ADAMTS12: variants seen among roughly 807,000 people sequenced by gnomAD.
ADAMTS12 encodes the protein A disintegrin and metalloproteinase with thrombospondin motifs 12.
ADAMTS12 carries 118 observed loss-of-function variants against 167.8 expected under a neutral mutation model. That is an observed-to-expected ratio of 0.70 (90% CI 0.61 to 0.82). The LOEUF (loss-of-function observed/expected upper bound fraction) is 0.82, where lower values mean the gene tolerates loss of function less well. Ranked by LOEUF, ADAMTS12 falls within the 40% of genes least tolerant of loss-of-function variation. ADAMTS12 has a pLI of 0.00. For synonymous variants in ADAMTS12, 704 were observed against 716.9 expected (o/e 0.98, Z 0.29); for missense variants, 1,916 against 1,998.8 (o/e 0.96, Z 0.79).
At chr5:33,535,063 T>G in intron 22 of ADAMTS12, 71 bp from the exon 23 acceptor site, 1 of 1,448,666 alleles carries the variant, frequency 6.9e-7, no homozygotes. Context: ...GTAGAACACC[T>G]CCAATCCCAC....
chr5:33,588,615 A>T lies in ADAMTS12; in HGVS notation c.2849T>A (p.Val950Glu). The change falls in exon 18 of 24, where the codon GTG becomes GAG. Residue 950 changes from valine (V) to glutamate (E), a missense_variant. By Grantham distance (121) the Val-to-Glu change is moderately radical (BLOSUM62 -2). Coordinates refer to ENST00000504830, the MANE Select transcript of ADAMTS12 (RefSeq NM_030955.4). ...TGAGCTCACCTCACTCCAGTTGCCC[A>T]CTGTCCAGTCCGAGGGGCACAGGAT... ...RDILCPSDWTVGNWSECSVSC... is the reference protein window; with the variant it reads ...RDILCPSDWTEGNWSECSVSC... 6.2e-7 allele frequency: 1 copy of T among 1,614,132 alleles called. No individual in the cohort carries two copies. The highest frequency in any genetic ancestry group is 8.5e-7 in the Non-Finnish European group (1 of 1,180,024).
At chr5:33,804,138 A>C (rs1161637117) in intron 2 of ADAMTS12, among the ~76,000 whole-genome samples, 1 of 152,240 alleles carries the variant, frequency 6.6e-6, no homozygotes, top group African/African-American at 2.4e-5. Context: ...AAGTCTTTGC[A>C]AACTAAAAAC....
At chr5:33,637,467 A>G in intron 12 of ADAMTS12, 110 bp downstream of exon 12, 2 of 1,153,224 alleles carry the variant, frequency 1.7e-6, no homozygotes, top group Non-Finnish European at 2.4e-6. Flanking sequence ...TTCCTGGTGT[A>G]CAATTGTCTT....
At chr5:33,687,160 T>C (rs1041035821) in intron 3 of ADAMTS12, among the ~76,000 whole-genome samples, 1 of 151,852 alleles carries the variant, frequency 6.6e-6, no homozygotes, top group Admixed American at 6.6e-5. Context: ...AGTTACTCAG[T>C]AGTAAACAGT....
chr5:33,741,909 C>T (rs13361930), intron 3 of ADAMTS12, among the ~76,000 whole-genome samples: 9,890 of 152,200 alleles, frequency 0.065, 1,088 homozygotes, highest in African/African-American at 0.23. Context: ...TACACCAAAC[C>T]CACTTTTGTG....
At chr5:33,868,251 G>T (rs937562575) in intron 2 of ADAMTS12, among the ~76,000 whole-genome samples, 1 of 152,216 alleles carries the variant, frequency 6.6e-6, no homozygotes, top group African/African-American at 2.4e-5. Flanking sequence ...ACCTGAAAAT[G>T]TGGAAGTGAC....
At chr5:33,630,164 TG>T (rs1320239227) in intron 13 of ADAMTS12, among the ~76,000 whole-genome samples, 1 of 152,172 alleles carries the variant, frequency 6.6e-6, no homozygotes, top group Non-Finnish European at 1.5e-5. Flanking sequence ...GATTTATGCC[TG>T]GGGGTTGGAT....
At chr5:33,564,670 T>C (rs1745924024) in intron 19 of ADAMTS12, among the ~76,000 whole-genome samples, 1 of 152,170 alleles carries the variant, frequency 6.6e-6, no homozygotes, top group Non-Finnish European at 1.5e-5. Flanking sequence ...TCTCATCTAT[T>C]GGGCACCATT....
intron 5 of ADAMTS12, among the ~76,000 whole-genome samples, chr5:33,670,069 C>A (rs754237604): frequency 6.6e-6 from 1 of 151,648 alleles, no homozygotes; most frequent in Non-Finnish European, 1.5e-5. Context: ...ATAAAAAGAG[C>A]TACAATGTGG....
intron 2 of ADAMTS12, among the ~76,000 whole-genome samples, chr5:33,829,910 T>C (rs1748229806): frequency 6.6e-6 from 1 of 152,188 alleles, no homozygotes; most frequent in South Asian, 2.1e-4. Flanking sequence ...TCAGCCTCAG[T>C]GACATTCAGA....
At chr5:33,564,403 G>A (rs778475212) in intron 19 of ADAMTS12, among the ~76,000 whole-genome samples, 2 of 152,190 alleles carry the variant, frequency 1.3e-5, no homozygotes, top group Admixed American at 1.3e-4. Context: ...GCTTGATTAT[G>A]TAAGCCTAGG....
chr5:33,804,986 GACAA>G (rs1470839308), intron 2 of ADAMTS12, among the ~76,000 whole-genome samples: 2 of 152,150 alleles, frequency 1.3e-5, no homozygotes, highest in Non-Finnish European at 2.9e-5. Flanking sequence ...TTGCACCCCT[GACAA>G]ACAAACAATG....
intron 3 of ADAMTS12, among the ~76,000 whole-genome samples, chr5:33,686,763 CTCTA>C (rs1379226634): frequency 6.6e-6 from 1 of 151,022 alleles, no homozygotes; most frequent in Non-Finnish European, 1.5e-5. Flanking sequence ...ACACCTCTCT[CTCTA>C]TATATATATA....
At chr5:33,831,776 G>A (rs945527542) in intron 2 of ADAMTS12, among the ~76,000 whole-genome samples, 2 of 152,098 alleles carry the variant, frequency 1.3e-5, no homozygotes, top group Non-Finnish European at 1.5e-5. Context: ...GCCTTCACAG[G>A]TAACAAAATA....
chr5:33,708,418 C>G (rs1381136806), intron 3 of ADAMTS12, among the ~76,000 whole-genome samples: 2 of 152,102 alleles, frequency 1.3e-5, no homozygotes, highest in Admixed American at 6.5e-5. Context: ...ACCAGAAATA[C>G]CATTCGACCC....
At chr5:33,700,647 A>G (rs1214555193) in intron 3 of ADAMTS12, among the ~76,000 whole-genome samples, 1 of 152,194 alleles carries the variant, frequency 6.6e-6, no homozygotes, top group Non-Finnish European at 1.5e-5. Flanking sequence ...TACTTGCGAT[A>G]AAACCATACA....
At position 33,796,584 on chromosome 5, in the gene ADAMTS12, T is replaced by C. The variant is rs1205896898; in HGVS notation, c.490-45036A>G. ...AATTCCCTCATCCCTTGTGGTTGGA[T>C]GGGGCCTCATGTCTAGTTTTTGCCA... On this transcript the variant is annotated intron_variant, in intron 2 of 23. Transcript: ENST00000504830. 5.3e-5 allele frequency among the ~76,000 whole-genome samples: 8 copies of C among 152,308 alleles called. No homozygotes were observed. The East Asian group carries it at 1.5e-3, about 29-fold the overall frequency.
chr5:33,886,272 C>T (rs1750632911), intron 1 of ADAMTS12, among the ~76,000 whole-genome samples: 1 of 152,146 alleles, frequency 6.6e-6, no homozygotes, highest in Non-Finnish European at 1.5e-5. Flanking sequence ...TTTAAGTTGG[C>T]TGTAGAATAA....
At chr5:33,827,711 ATAGATAGATAGATAGATAGATAG>A (rs1748137040) in intron 2 of ADAMTS12, among the ~76,000 whole-genome samples, 14 of 101,794 alleles carry the variant, frequency 1.4e-4, no homozygotes, top group South Asian at 3.8e-4. Flanking sequence ...AGAAAACAAA[ATAGATAGATAGATAGATAGATAG>A]ATAGATAGAT....
Sources: gnomAD v4.1 joint callset for allele counts (sites outside exome capture counted in the v4.1 genomes callset) on GRCh38, gnomAD v4.1.1 for gene constraint, MANE v1.5 for transcripts, NCBI Gene and HGNC (gene_info 2026-07-23, HGNC 2026-07-21) for gene names.